Variants in NEK10 observed in about 807,000 individuals in gnomAD.
NEK10 encodes NIMA related kinase 10.
NEK10 carries 122 observed loss-of-function variants against 159.8 expected under a neutral mutation model. That is an observed-to-expected ratio of 0.76 (90% confidence interval 0.66 to 0.89). NEK10 has a LOEUF of 0.89. NEK10 is among the 40% of genes least tolerant of loss of function. The pLI is 0.00. For synonymous variants in NEK10, 466 were observed against 457.1 expected, an observed-to-expected ratio of 1.02 and a Z score of -0.25; for missense variants, 1,342 against 1,323.1, an observed-to-expected ratio of 1.01 and a Z score of -0.22.
chr3:27,345,763 C>T (rs555157369), intron 4 of NEK10, among the ~76,000 whole-genome samples: 29 of 152,176 alleles, frequency 1.9e-4, no homozygotes, highest in Non-Finnish European at 4.0e-4. Flanking sequence ...CATCTCATTA[C>T]TGGCAAGATC....
At position 27,111,276 on chromosome 3, in the gene NEK10, C is replaced by A. The variant is rs745669976; in HGVS notation, c.3344G>T (p.Arg1115Ile). 2.5e-6 allele frequency: 4 copies of A among 1,609,224 alleles called. No individual in the cohort carries two copies. The South Asian group carries it at 4.4e-5, about 18-fold the overall frequency. ...PWGTKNHPTKR is the reference protein window; with the variant it reads ...PWGTKNHPTKI ...TCCACTCAAAATGCAGCATTTTCAT[C>A]TTTTGGTTGGGTGATTCTTGGTCCC... The change falls in exon 36 of 36, where the codon AGA becomes ATA. Residue 1115 changes from arginine to isoleucine, a missense_variant. Transcript: ENST00000691995.
intron 22 of NEK10, among the ~76,000 whole-genome samples, chr3:27,281,345 G>A (rs1056730222): frequency 1.3e-5 from 2 of 151,942 alleles, no homozygotes; most frequent in African/African-American, 2.4e-5. Flanking sequence ...AAGAGCACAC[G>A]TGGCTACAGA....
At chr3:27,257,317 C>A (rs1956305037) in intron 22 of NEK10, among the ~76,000 whole-genome samples, 1 of 152,126 alleles carries the variant, frequency 6.6e-6, no homozygotes, top group South Asian at 2.1e-4. Flanking sequence ...AATTTAATTA[C>A]CAGGATTGCA....
intron 30 of NEK10, among the ~76,000 whole-genome samples, chr3:27,156,447 A>G (rs1182082428): frequency 6.6e-6 from 1 of 152,142 alleles, no homozygotes. Flanking sequence ...ACTCAAAAAA[A>G]TCAGTAAGTA....
chr3:27,126,942 G>A (rs1942030571), intron 32 of NEK10, among the ~76,000 whole-genome samples: 1 of 152,038 alleles, frequency 6.6e-6, no homozygotes, highest in Non-Finnish European at 1.5e-5. Context: ...CAGCTTTGAT[G>A]GGAGAGCTGT....
At chr3:27,141,370 G>C (rs1232254478) in intron 31 of NEK10, 112 bp downstream of exon 31, 2 of 714,768 alleles carry the variant, frequency 2.8e-6, no homozygotes, top group African/African-American at 1.8e-5. Context: ...TATGTAGCTG[G>C]GGAGGATAAG....
intron 35 of NEK10, among the ~76,000 whole-genome samples, chr3:27,114,045 TATGTAAA>T (rs1940008726): frequency 6.6e-6 from 1 of 152,182 alleles, no homozygotes; most frequent in African/African-American, 2.4e-5. Context: ...TATGCTTATG[TATGTAAA>T]ATGTAATTTA....
intron 25 of NEK10, among the ~76,000 whole-genome samples, chr3:27,198,639 C>A (rs1402607341): frequency 6.6e-6 from 1 of 152,044 alleles, no homozygotes; most frequent in Non-Finnish European, 1.5e-5. Flanking sequence ...ACCCCATATA[C>A]AAAAATCAAC....
chr3:27,296,934 C>T (rs747836302), intron 14 of NEK10, among the ~76,000 whole-genome samples: 7 of 151,994 alleles, frequency 4.6e-5, no homozygotes, highest in Middle Eastern at 3.2e-3. Flanking sequence ...TAAAAGGGAC[C>T]GCACATAACA....
intron 22 of NEK10, among the ~76,000 whole-genome samples, chr3:27,262,239 A>T (rs1461185729): frequency 6.6e-6 from 1 of 152,178 alleles, no homozygotes; most frequent in Non-Finnish European, 1.5e-5. Context: ...GGGTAACCTG[A>T]CCTTTCTCTC....
At chr3:27,198,837 C>T (rs535650077) in intron 25 of NEK10, among the ~76,000 whole-genome samples, 57 of 151,948 alleles carry the variant, frequency 3.8e-4, no homozygotes, top group East Asian at 5.8e-4. Context: ...TTTGGGAGGC[C>T]GAGGCGTGTA....
intron 23 of NEK10, among the ~76,000 whole-genome samples, chr3:27,248,714 A>AAGATG (rs1181074465): frequency 6.6e-6 from 1 of 152,126 alleles, no homozygotes; most frequent in Non-Finnish European, 1.5e-5. Context: ...ACAGTCAGAG[A>AAGATG]AGATGTTTGA....
intron 32 of NEK10, among the ~76,000 whole-genome samples, chr3:27,127,914 A>G (rs990414727): frequency 1.3e-5 from 2 of 151,896 alleles, no homozygotes; most frequent in African/African-American, 4.8e-5. Flanking sequence ...CCTCTTCCTG[A>G]AATTTATTTA....
chr3:27,272,698 G>A (rs771545320), intron 22 of NEK10, among the ~76,000 whole-genome samples: 23 of 152,180 alleles, frequency 1.5e-4, no homozygotes, highest in Middle Eastern at 3.2e-3. Context: ...AAGAGCATAT[G>A]TTCTAGGTGC....
At chr3:27,247,772 A>C (rs1394264483) in intron 23 of NEK10, among the ~76,000 whole-genome samples, 2 of 150,468 alleles carry the variant, frequency 1.3e-5, no homozygotes, top group East Asian at 3.9e-4. Context: ...CCTGCACTCA[A>C]GCAATATTGG....
chr3:27,151,909 G>A (rs547299433), intron 30 of NEK10, among the ~76,000 whole-genome samples: 45 of 152,142 alleles, frequency 3.0e-4, no homozygotes, highest in African/African-American at 9.4e-4. Flanking sequence ...GCTCAAAGAC[G>A]AGGTCTTTGA....
At chr3:27,135,386 C>T (rs1470483867) in intron 31 of NEK10, among the ~76,000 whole-genome samples, 1 of 152,250 alleles carries the variant, frequency 6.6e-6, no homozygotes, top group Non-Finnish European at 1.5e-5. Context: ...CAAAGTCACA[C>T]ACCTAAAAGC....
At chr3:27,348,371 G>GC (rs1284460244) in intron 3 of NEK10, among the ~76,000 whole-genome samples, 2 of 152,160 alleles carry the variant, frequency 1.3e-5, no homozygotes, top group Non-Finnish European at 1.5e-5. Context: ...AGAGCAGGTG[G>GC]CCTGTATCGG....
At chr3:27,241,542 A>G (rs976056646) in intron 23 of NEK10, among the ~76,000 whole-genome samples, 5 of 152,208 alleles carry the variant, frequency 3.3e-5, no homozygotes, top group South Asian at 4.1e-4. Context: ...TGGGTATTCA[A>G]ATAAATGGCT....
Sources: gnomAD v4.1 joint callset for allele counts (sites outside exome capture counted in the v4.1 genomes callset) on GRCh38, gnomAD v4.1.1 for gene constraint, MANE v1.5 for transcripts, NCBI Gene and HGNC (gene_info 2026-07-23, HGNC 2026-07-21) for gene names.